Variants in LUZP2 observed in about 807,000 individuals in gnomAD.
LUZP2 encodes leucine zipper protein 2.
In LUZP2, 52 loss-of-function variants were observed where a neutral mutation model predicts 51.6. That is an observed-to-expected ratio of 1.01 (90% CI 0.81 to 1.27). The LOEUF (loss-of-function observed/expected upper bound fraction) is 1.27. Among genes scored for constraint, LUZP2 ranks in the 50% most tolerant of loss-of-function variants. The pLI, the probability that LUZP2 is intolerant of heterozygous loss-of-function variation, is 0.00. For synonymous variants in LUZP2, 154 were observed against 137.3 expected (o/e 1.12, Z -0.85); for missense variants, 436 against 395.4 (o/e 1.10, Z -0.87).
At chr11:25,034,534 G>C (rs897391878) in intron 9 of LUZP2, among the ~76,000 whole-genome samples, 1 of 151,980 alleles carries the variant, frequency 6.6e-6, no homozygotes, top group Non-Finnish European at 1.5e-5. Flanking sequence ...TGTCTTCCTG[G>C]ATTTTTAGTT....
intron 1 of LUZP2, among the ~76,000 whole-genome samples, chr11:24,592,839 G>T (rs1038774024): frequency 6.6e-6 from 1 of 152,086 alleles, no homozygotes; most frequent in South Asian, 2.1e-4. Context: ...ACAGGGATAG[G>T]CAATGAAAAC....
chr11:24,884,277 A>G (rs1027237286), intron 5 of LUZP2, among the ~76,000 whole-genome samples: 1 of 151,990 alleles, frequency 6.6e-6, no homozygotes, highest in Admixed American at 6.6e-5. Flanking sequence ...TTGACCATAA[A>G]CAGATTAAAT....
intron 7 of LUZP2, among the ~76,000 whole-genome samples, chr11:24,966,428 T>C (rs1052637763): frequency 2.0e-5 from 3 of 150,478 alleles, no homozygotes; most frequent in African/African-American, 7.3e-5. Context: ...TTTACATTTT[T>C]CTAATGTTTG....
chr11:24,868,665 C>T lies in LUZP2; in HGVS notation c.397-37326C>T, dbSNP rs188018782. 2.6e-5 allele frequency among the ~76,000 whole-genome samples: 4 copies of T among 152,194 alleles called. No individual in the cohort carries two copies. In the East Asian group the frequency reaches 7.8e-4, roughly 29 times the overall value. ...TAGTGGAATACTAAAGATGTTGTGA[C>T]ATCATAAGTACCTTCTTTGGGCCAC... On this transcript the variant is annotated intron_variant, in intron 5 of 11. Coordinates refer to ENST00000336930, the MANE Select transcript of LUZP2 (RefSeq NM_001009909.4).
chr11:24,653,397 G>GGACCTCAACA, intron 1 of LUZP2, among the ~76,000 whole-genome samples: 2 of 152,274 alleles, frequency 1.3e-5, no homozygotes, highest in East Asian at 3.9e-4. Context: ...CAGGACTGTT[G>GGACCTCAACA]AGGGAAAAGC....
intron 7 of LUZP2, among the ~76,000 whole-genome samples, chr11:24,947,011 G>C (rs947313430): frequency 1.3e-5 from 2 of 151,930 alleles, no homozygotes; most frequent in East Asian, 3.9e-4. Flanking sequence ...CAATGTGGAA[G>C]TTAGGGGCAC....
intron 7 of LUZP2, among the ~76,000 whole-genome samples, chr11:24,951,348 A>G (rs973438913): frequency 6.6e-6 from 1 of 151,592 alleles, no homozygotes; most frequent in Non-Finnish European, 1.5e-5. Context: ...TATGATAAGT[A>G]TTATTCCTAT....
chr11:24,500,723 G>A (rs1302221558), intron 1 of LUZP2, among the ~76,000 whole-genome samples: 1 of 152,102 alleles, frequency 6.6e-6, no homozygotes, highest in African/African-American at 2.4e-5. Flanking sequence ...GAGGAGTGAA[G>A]GTCTATTGAC....
chr11:24,520,217 A>T (rs1834462835), intron 1 of LUZP2, among the ~76,000 whole-genome samples: 1 of 151,210 alleles, frequency 6.6e-6, no homozygotes, highest in Non-Finnish European at 1.5e-5. Flanking sequence ...ATTATTACCA[A>T]CAGAATTGAA....
In LUZP2 at chr11:25,041,155, A is replaced by G. The variant is rs140383042; in HGVS notation, c.766-8883A>G. ...CAGAACAGTAGCTTTCCTTATCTGC[A>G]GGGGATATTTTCCAAGACCTTGACT... On this transcript the variant is annotated intron_variant, in intron 9 of 11. Transcript: ENST00000336930. Among the ~76,000 whole-genome samples, 208 of 152,140 alleles carry G rather than the reference A, an allele frequency of 1.4e-3. 1 individual carries two copies. The highest frequency in any genetic ancestry group is 2.4e-3 in the Non-Finnish European group (163 of 67,998).
intron 7 of LUZP2, among the ~76,000 whole-genome samples, chr11:24,939,057 T>C (rs185627143): frequency 1.2e-4 from 18 of 151,750 alleles, no homozygotes; most frequent in East Asian, 5.8e-4. Context: ...GAAAGGATTT[T>C]TCTCTCTCTC....
At chr11:24,517,454 C>T (rs1287875112) in intron 1 of LUZP2, among the ~76,000 whole-genome samples, 1 of 125,220 alleles carries the variant, frequency 8.0e-6, no homozygotes, top group Non-Finnish European at 1.6e-5. Context: ...CCACTGCACT[C>T]CAGCCTGGGT....
intron 9 of LUZP2, among the ~76,000 whole-genome samples, chr11:25,000,963 G>A (rs192224771): frequency 1.3e-5 from 2 of 152,116 alleles, no homozygotes; most frequent in African/African-American, 4.8e-5. Context: ...GGCTATTCTG[G>A]TTCCTGTAGC....
intron 1 of LUZP2, among the ~76,000 whole-genome samples, chr11:24,651,386 A>G (rs1333090569): frequency 1.3e-5 from 2 of 152,138 alleles, no homozygotes; most frequent in Non-Finnish European, 2.9e-5. Flanking sequence ...ACATATGGAC[A>G]CAACTACAAA....
intron 5 of LUZP2, among the ~76,000 whole-genome samples, chr11:24,865,772 G>A (rs1851874518): frequency 1.1e-5 from 1 of 87,880 alleles, no homozygotes; most frequent in African/African-American, 4.4e-5. Context: ...GTATATATAT[G>A]CATGTATATG....
At chr11:24,637,426 A>G (rs1043512982) in intron 1 of LUZP2, among the ~76,000 whole-genome samples, 37 of 151,880 alleles carry the variant, frequency 2.4e-4, no homozygotes, top group Admixed American at 4.6e-4. Context: ...GCACCCTGAA[A>G]AAGAACAGAA....
At chr11:24,547,841 T>TC (rs1851607536) in intron 1 of LUZP2, among the ~76,000 whole-genome samples, 2 of 151,200 alleles carry the variant, frequency 1.3e-5, no homozygotes, top group Admixed American at 6.6e-5. Flanking sequence ...ATATTCAGAA[T>TC]CAAAAGTAAC....
chr11:24,600,288 C>T (rs555499073), intron 1 of LUZP2, among the ~76,000 whole-genome samples: 10 of 151,714 alleles, frequency 6.6e-5, no homozygotes, highest in South Asian at 2.1e-4. Flanking sequence ...CAGCTTAGGC[C>T]GAGATCAGGA....
At chr11:24,721,532 T>C (rs1230964978) in intron 1 of LUZP2, among the ~76,000 whole-genome samples, 1 of 152,198 alleles carries the variant, frequency 6.6e-6, no homozygotes, top group African/African-American at 2.4e-5. Flanking sequence ...AAAACTACCA[T>C]TCTTGCAGAA....
Sources: allele counts gnomAD v4.1 joint callset (sites outside exome capture counted in the v4.1 genomes callset), GRCh38; gene constraint gnomAD v4.1.1; transcripts MANE v1.5; gene names NCBI Gene and HGNC (gene_info 2026-07-23, HGNC 2026-07-21).